LHFPL2: variants seen among roughly 807,000 people sequenced by gnomAD.
LHFPL2 encodes the protein LHFPL tetraspan subfamily member 2.
In LHFPL2, 7 loss-of-function variants were observed where a neutral mutation model predicts 17.5. That is an observed-to-expected ratio of 0.40 (90% CI 0.23 to 0.75). The LOEUF (loss-of-function observed/expected upper bound fraction) is 0.75. LHFPL2 is among the 30% of genes least tolerant of loss of function. The probability of loss-of-function intolerance (pLI) is 0.37; values close to 1 mark genes in which losing one functional copy is unlikely to be tolerated. For synonymous variants in LHFPL2, 134 were observed against 116.2 expected, an observed-to-expected ratio of 1.15 and a Z score of -0.99; for missense variants, 241 against 294.8, an observed-to-expected ratio of 0.82 and a Z score of 1.34.
At chr5:78,586,793 G>A (rs1743425008) in intron 2 of LHFPL2, among the ~76,000 whole-genome samples, 1 of 152,180 alleles carries the variant, frequency 6.6e-6, no homozygotes, top group Non-Finnish European at 1.5e-5. Flanking sequence ...TTTTAATACA[G>A]TATAAGTTAT....
chr5:78,584,927 A>G (rs1011040728), intron 2 of LHFPL2, among the ~76,000 whole-genome samples: 4 of 150,646 alleles, frequency 2.7e-5, no homozygotes, highest in African/African-American at 4.9e-5. Flanking sequence ...TGTGCTAGCA[A>G]TCAACGAGAC....
chr5:78,488,061 A>T lies in LHFPL2; in HGVS notation c.*836T>A, dbSNP rs568937789. ...CAGTCCCTGGAAGGAGGAAACAGTG[A>T]GGTTTCCTTTCGCAGTCAAAGCACA... On this transcript the variant is annotated 3_prime_UTR_variant, in exon 5 of 5. Coordinates refer to ENST00000380345, the MANE Select transcript of LHFPL2 (RefSeq NM_005779.3). 8.5e-5 allele frequency: 13 copies of T among 152,278 alleles called. No homozygotes were observed. Among genetic ancestry groups the T allele is most frequent in the African/African-American group, 3.1e-4 (13 of 41,550 alleles). The allele number at this position is 152,278 out of a possible 1,614,324, so 9.4% of individuals were successfully genotyped here.
At chr5:78,526,011 C>T (rs1755612533) in intron 3 of LHFPL2, among the ~76,000 whole-genome samples, 1 of 152,208 alleles carries the variant, frequency 6.6e-6, no homozygotes, top group African/African-American at 2.4e-5. Context: ...CCACCCCAGC[C>T]TCCCCAAGTC....
At chr5:78,549,013 T>C (rs991507615) in intron 3 of LHFPL2, 2 of 152,242 alleles carry the variant, frequency 1.3e-5, no homozygotes, top group Non-Finnish European at 2.9e-5. Flanking sequence ...TAACATTTCA[T>C]AGCTTAAAAT....
intron 3 of LHFPL2, among the ~76,000 whole-genome samples, chr5:78,533,617 A>C (rs6453401): frequency 0.43 from 65,745 of 151,926 alleles, 14,370 homozygotes; most frequent in Middle Eastern, 0.49. Flanking sequence ...TGGTCAGAGC[A>C]CCCTTTTAAG....
chr5:78,552,296 G>A (rs1002321072), intron 3 of LHFPL2, among the ~76,000 whole-genome samples: 1 of 152,100 alleles, frequency 6.6e-6, no homozygotes, highest in African/African-American at 2.4e-5. Flanking sequence ...ACCATGCCCG[G>A]CTAATTTTGT....
At chr5:78,539,377 G>T (rs1040674784) in intron 3 of LHFPL2, among the ~76,000 whole-genome samples, 1 of 152,180 alleles carries the variant, frequency 6.6e-6, no homozygotes, top group Non-Finnish European at 1.5e-5. Flanking sequence ...TTAAGTGAAC[G>T]AAGTGAACCC....
chr5:78,585,453 G>A (rs937928701), intron 2 of LHFPL2, among the ~76,000 whole-genome samples: 6 of 152,100 alleles, frequency 3.9e-5, no homozygotes, highest in South Asian at 2.1e-4. Context: ...GCAATGCCTC[G>A]CCCTGCTTCG....
chr5:78,520,560 TGGAA>T (rs1376827493), intron 3 of LHFPL2, among the ~76,000 whole-genome samples: 1 of 152,168 alleles, frequency 6.6e-6, no homozygotes, highest in Non-Finnish European at 1.5e-5. Context: ...GGTCTCTGGT[TGGAA>T]GGGAGACGGG....
At chr5:78,611,254 G>A (rs943762977) in intron 2 of LHFPL2, among the ~76,000 whole-genome samples, 2 of 152,184 alleles carry the variant, frequency 1.3e-5, no homozygotes, top group East Asian at 3.9e-4. Flanking sequence ...TGTGAACTGT[G>A]GCCCAACTGC....
intron 2 of LHFPL2, among the ~76,000 whole-genome samples, chr5:78,587,338 C>A (rs1743452309): frequency 6.6e-6 from 1 of 152,192 alleles, no homozygotes; most frequent in Admixed American, 6.5e-5. Context: ...GTAGACACTG[C>A]AAGCTAACCA....
At chr5:78,515,421 T>C (rs772918028) in intron 3 of LHFPL2, among the ~76,000 whole-genome samples, 2 of 152,232 alleles carry the variant, frequency 1.3e-5, no homozygotes, top group Non-Finnish European at 2.9e-5. Flanking sequence ...GGAAGTTACA[T>C]CTAAAGGCTA....
At chr5:78,529,931 T>G (rs1160653334) in intron 3 of LHFPL2, among the ~76,000 whole-genome samples, 1 of 152,250 alleles carries the variant, frequency 6.6e-6, no homozygotes, top group Admixed American at 6.5e-5. Context: ...AGGTATTAAC[T>G]GATTTACAAC....
At chr5:78,610,329 C>T (rs775545472) in intron 2 of LHFPL2, among the ~76,000 whole-genome samples, 10 of 152,334 alleles carry the variant, frequency 6.6e-5, no homozygotes, top group South Asian at 2.1e-4. Flanking sequence ...GGCTACTAAA[C>T]GGAAACGTCT....
intron 2 of LHFPL2, among the ~76,000 whole-genome samples, chr5:78,627,141 G>C (rs1337361387): frequency 6.6e-6 from 1 of 152,126 alleles, no homozygotes; most frequent in African/African-American, 2.4e-5. Context: ...AGTAGAGAGG[G>C]AGAAGCTGAG....
At chr5:78,610,602 T>C (rs1216586200) in intron 2 of LHFPL2, among the ~76,000 whole-genome samples, 1 of 152,010 alleles carries the variant, frequency 6.6e-6, no homozygotes, top group Non-Finnish European at 1.5e-5. Flanking sequence ...GCACATACGA[T>C]ATGAAGCAAA....
chr5:78,518,077 T>C (rs1580767424), intron 3 of LHFPL2, among the ~76,000 whole-genome samples: 2 of 152,174 alleles, frequency 1.3e-5, no homozygotes, highest in East Asian at 1.9e-4. Context: ...GTACAGACCA[T>C]AGGGTCAAAA....
rs1339949467 is a variant in LHFPL2 at position 78,510,021 on chromosome 5, C to A, written c.193G>T (p.Ala65Ser). 1.2e-6 allele frequency: 2 copies of A among 1,612,040 alleles called. No homozygotes were observed. The highest frequency in any genetic ancestry group is 1.3e-5 in the African/African-American group (1 of 75,022). ...ACCCCTGGGTTCCGGATGCAGCGGG[C>A]GTAGATGCCCAGGGTGGGGTGGTAG... is the stretch of plus-strand genomic sequence containing the variant. ...EPYHPTLGIY[A>S]RCIRNPGVQH... Residue 65 changes from alanine (A) to serine (S), a missense_variant, in exon 4 of 5, where the codon GCC becomes TCC. By Grantham distance (99) the Ala-to-Ser change is moderately conservative. Coordinates refer to ENST00000380345, the MANE Select transcript of LHFPL2 (RefSeq NM_005779.3).
At chr5:78,645,136 C>CT (rs1346847984) in intron 1 of LHFPL2, among the ~76,000 whole-genome samples, 2 of 152,166 alleles carry the variant, frequency 1.3e-5, no homozygotes, top group Non-Finnish European at 2.9e-5. Context: ...TCTGACCAGG[C>CT]TGGAGAGTGG....
Sources: allele counts gnomAD v4.1 joint callset (sites outside exome capture counted in the v4.1 genomes callset), GRCh38; gene constraint gnomAD v4.1.1; transcripts MANE v1.5; gene names NCBI Gene and HGNC (gene_info 2026-07-23, HGNC 2026-07-21).